ANKS1B: variants seen among roughly 807,000 people sequenced by gnomAD.
ANKS1B encodes the protein ankyrin repeat and sterile alpha motif domain-containing protein 1B.
In ANKS1B, 36 loss-of-function variants were observed where a neutral mutation model predicts 148.3. The observed-to-expected ratio is 0.24, with a 90% CI of 0.19 to 0.32. The LOEUF (loss-of-function observed/expected upper bound fraction) is 0.32. Among genes scored for constraint, ANKS1B ranks in the 10% least tolerant of loss-of-function variants. The pLI is 1.00. For missense variants in ANKS1B, 1,157 were observed against 1,542.6 expected (o/e 0.75, Z 4.19); for synonymous variants, 542 against 560.8 (o/e 0.97, Z 0.47).
In ANKS1B at chr12:99,743,239, CACG is replaced by C. The variant is rs1177832086; in HGVS notation, c.1128+29680_1128+29682del. ...TATAGGGAAAGACTTTTGTCTCAAG[CACG>C]ACAAAATCTAGAGGTTCACCTAAAA... On this transcript the variant is annotated intron_variant, in intron 8 of 26. Coordinates refer to ENST00000683438, the MANE Select transcript of ANKS1B (RefSeq NM_001352186.2). Among the ~76,000 whole-genome samples, 7 of 152,198 alleles carry C rather than the reference CACG, an allele frequency of 4.6e-5. No homozygotes were observed. In the South Asian group the frequency reaches 1.5e-3, roughly 32 times the overall value.
At chr12:99,422,387 A>G (rs986560786) in intron 11 of ANKS1B, among the ~76,000 whole-genome samples, 1 of 152,222 alleles carries the variant, frequency 6.6e-6, no homozygotes, top group Non-Finnish European at 1.5e-5. Flanking sequence ...TGAAAGAGGA[A>G]GGTGAAAAGT....
chr12:99,766,371 A>G (rs374571012), intron 8 of ANKS1B, among the ~76,000 whole-genome samples: 1 of 152,202 alleles, frequency 6.6e-6, no homozygotes, highest in African/African-American at 2.4e-5. Context: ...CTAGAAGTTC[A>G]GAAAAATGAC....
At chr12:99,735,461 T>A (rs762329426) in intron 8 of ANKS1B, among the ~76,000 whole-genome samples, 2 of 151,804 alleles carry the variant, frequency 1.3e-5, no homozygotes, top group South Asian at 4.2e-4. Context: ...ATACAAAATA[T>A]CATCAGAGAC....
At chr12:99,294,695 C>T (rs2080583762) in intron 12 of ANKS1B, among the ~76,000 whole-genome samples, 1 of 151,854 alleles carries the variant, frequency 6.6e-6, no homozygotes, top group Non-Finnish European at 1.5e-5. Context: ...CTCCTGCTGC[C>T]GAGGCTGGAG....
intron 10 of ANKS1B, among the ~76,000 whole-genome samples, chr12:99,492,739 T>C (rs113680423): frequency 0.015 from 2,259 of 152,222 alleles, 24 homozygotes; most frequent in Non-Finnish European, 0.021. Context: ...GCAAGGTAGG[T>C]TCAACATACA....
chr12:98,880,695 A>C (rs189973842), intron 17 of ANKS1B, among the ~76,000 whole-genome samples: 2 of 152,072 alleles, frequency 1.3e-5, no homozygotes, highest in East Asian at 3.9e-4. Flanking sequence ...GTGAACCCGG[A>C]AGGCGGAGCT....
intron 17 of ANKS1B, among the ~76,000 whole-genome samples, chr12:98,942,488 C>G (rs1490221511): frequency 6.6e-6 from 1 of 152,144 alleles, no homozygotes; most frequent in Admixed American, 6.5e-5. Flanking sequence ...GGAAATCCCT[C>G]GCTTCAGCTA....
At chr12:98,897,360 A>G (rs1345121614) in intron 17 of ANKS1B, among the ~76,000 whole-genome samples, 2 of 152,198 alleles carry the variant, frequency 1.3e-5, no homozygotes, top group Non-Finnish European at 2.9e-5. Context: ...ATAATCGATA[A>G]GGAACTCCAA....
rs139933845 is a variant in ANKS1B, at chr12:99,811,310, C to T, written c.372+845G>A. 2.2e-3 allele frequency among the ~76,000 whole-genome samples: 329 copies of T among 151,988 alleles called. 1 individual carries two copies. The highest frequency in any genetic ancestry group is 7.7e-3 in the African/African-American group (319 of 41,518). On this transcript the variant is annotated intron_variant, in intron 3 of 26. Transcript: ENST00000683438. ...GATATGCTTGCCCTAAAGTAACCTA[C>T]TTGCATTGATATTGGACAACTGCCA... is the stretch of plus-strand genomic sequence containing the variant.
At chr12:98,943,364 A>C (rs1162299775) in intron 17 of ANKS1B, among the ~76,000 whole-genome samples, 1 of 152,220 alleles carries the variant, frequency 6.6e-6, no homozygotes, top group East Asian at 1.9e-4. Context: ...GGCCTTTATA[A>C]CAAATTGCTG....
At position 98,948,947 on chromosome 12, in the gene ANKS1B, C is replaced by CTTTTTTT. The variant is rs869145338; in HGVS notation, c.2778+104203_2778+104209dup. ...AGGGGTGAGATATGAGCATGAGCTA[C>CTTTTTTT]TTTTTTTTTTTTTTTTTTTTTTTGA... On this transcript the variant is annotated intron_variant, in intron 17 of 26. Transcript: ENST00000683438. Among the ~76,000 whole-genome samples the CTTTTTTT allele has an allele frequency of 3.1e-4, 26 of 84,860 alleles. 4 individuals carry two copies. Among genetic ancestry groups the CTTTTTTT allele is most frequent in the Admixed American group, 6.8e-4 (5 of 7,380 alleles). The allele number at this position is 84,860 out of a possible 152,430, so 55.7% of individuals were successfully genotyped here.
chr12:99,016,318 T>C (rs545832758), intron 17 of ANKS1B, among the ~76,000 whole-genome samples: 4 of 152,318 alleles, frequency 2.6e-5, no homozygotes, highest in East Asian at 1.9e-4. Context: ...ATACCATGAT[T>C]GATAGACCTT....
chr12:99,369,860 A>AT (rs1400357477), intron 12 of ANKS1B, among the ~76,000 whole-genome samples: 2 of 151,450 alleles, frequency 1.3e-5, no homozygotes, highest in Non-Finnish European at 1.5e-5. Flanking sequence ...AGATAGATAG[A>AT]TAGATAGATA....
chr12:99,854,629 T>C (rs527434302), intron 1 of ANKS1B, among the ~76,000 whole-genome samples: 1 of 152,210 alleles, frequency 6.6e-6, no homozygotes, highest in Admixed American at 6.5e-5. Flanking sequence ...AAGAAAAGAA[T>C]CTTAAGAGCT....
At chr12:99,257,433 T>C (rs971918551) in intron 12 of ANKS1B, among the ~76,000 whole-genome samples, 1 of 152,190 alleles carries the variant, frequency 6.6e-6, no homozygotes. Context: ...ATCTGCTATT[T>C]AGCCTATTCA....
rs2076817801 is a variant in ANKS1B, at chr12:99,162,920, TG to T, written c.2420-8526del. On this transcript the variant is annotated intron_variant, in intron 14 of 26. Transcript: ENST00000683438. ...TACAAATACAAAAATTAGCCGGACA[TG>T]GTGGCAGGCACCTGTAGTCCCAGCT... 3.3e-5 allele frequency among the ~76,000 whole-genome samples: 5 copies of T among 152,188 alleles called. No individual in the cohort carries two copies. The South Asian group carries it at 1.0e-3, about 32-fold the overall frequency.
At chr12:99,279,707 AAATTACTGAG>A (rs1278987143) in intron 12 of ANKS1B, among the ~76,000 whole-genome samples, 2 of 152,160 alleles carry the variant, frequency 1.3e-5, no homozygotes, top group Admixed American at 6.5e-5. Flanking sequence ...ATAACTGTCT[AAATTACTGAG>A]AAATAATAAT....
intron 8 of ANKS1B, among the ~76,000 whole-genome samples, chr12:99,745,014 A>AAAAG (rs2060464959): frequency 1.3e-5 from 2 of 151,272 alleles, no homozygotes; most frequent in Admixed American, 6.6e-5. Flanking sequence ...AAAAAAAAAA[A>AAAAG]AAATCAGTAG....
intron 8 of ANKS1B, among the ~76,000 whole-genome samples, chr12:99,707,913 CAAAAGA>C (rs928140805): frequency 1.3e-5 from 2 of 152,004 alleles, no homozygotes; most frequent in Non-Finnish European, 2.9e-5. Context: ...GGAGAATTTT[CAAAAGA>C]AAATCCACAT....
Sources: gnomAD v4.1 joint callset for allele counts (sites outside exome capture counted in the v4.1 genomes callset) on GRCh38, gnomAD v4.1.1 for gene constraint, MANE v1.5 for transcripts, NCBI Gene and HGNC (gene_info 2026-07-23, HGNC 2026-07-21) for gene names.